Variants in SLC5A11 observed in about 807,000 individuals in gnomAD.
The protein encoded by SLC5A11 is sodium/myo-inositol cotransporter 2.
Under a neutral mutation model 69.8 loss-of-function variants are expected in SLC5A11, and 48 were observed. The ratio of observed to expected loss-of-function variants is 0.69; its 90% CI spans 0.55 to 0.87. SLC5A11 has a LOEUF of 0.87. Among genes scored for constraint, SLC5A11 ranks in the 40% least tolerant of loss-of-function variants. The pLI is 0.00. For missense variants in SLC5A11, 784 were observed against 866.1 expected (o/e 0.91, Z 1.19); for synonymous variants, 319 against 342.4 (o/e 0.93, Z 0.75).
At position 24,889,164 on chromosome 16, in the gene SLC5A11, A is replaced by G. The variant is rs1251375558; in HGVS notation, c.665-1705A>G. On this transcript the variant is annotated intron_variant, in intron 8 of 15. Transcript: ENST00000347898. Reference sequence around the variant, plus strand: ...AATCAAACCAAGAAAAAAAGAGAAAACAGCATAATTAAGAATGAGAAAAGA... The same window carrying G: ...AATCAAACCAAGAAAAAAAGAGAAAGCAGCATAATTAAGAATGAGAAAAGA... 2.6e-5 allele frequency among the ~76,000 whole-genome samples: 4 copies of G among 152,128 alleles called. No individual in the cohort carries two copies. The East Asian group carries it at 5.8e-4, about 22-fold the overall frequency.
intron 5 of SLC5A11, among the ~76,000 whole-genome samples, chr16:24,874,195 T>C (rs1597103781): frequency 6.6e-6 from 1 of 152,320 alleles, no homozygotes; most frequent in East Asian, 1.9e-4. Context: ...TATCGTGTAG[T>C]GTGACTCACA....
rs139417971 is a variant in SLC5A11, at chr16:24,856,074, G to A, written c.-24-2546G>A. Among the ~76,000 whole-genome samples the A allele has an allele frequency of 5.3e-5, 8 of 152,330 alleles. 1 individual carries two copies. In the East Asian group the frequency reaches 1.5e-3, roughly 29 times the overall value. Reference sequence around the variant, plus strand: ...ATCCTTTAACCCAGAGCACATGTGTGCACTGGAGGTGTTCCTGGCCTTCAG... The same window carrying A: ...ATCCTTTAACCCAGAGCACATGTGTACACTGGAGGTGTTCCTGGCCTTCAG... On this transcript the variant is annotated intron_variant, in intron 1 of 15. Coordinates refer to ENST00000347898, the Ensembl canonical transcript of SLC5A11.
intron 9 of SLC5A11, among the ~76,000 whole-genome samples, chr16:24,895,012 C>G (rs144936336): frequency 0.01 from 1,553 of 152,046 alleles, 32 homozygotes; most frequent in African/African-American, 0.036. Flanking sequence ...GTGGTCCCAG[C>G]TACTTGGGAT....
intron 1 of SLC5A11, among the ~76,000 whole-genome samples, chr16:24,855,910 T>G (rs1024400918): frequency 3.9e-5 from 6 of 152,218 alleles, no homozygotes; most frequent in Non-Finnish European, 8.8e-5. Context: ...ACAGTAGGAA[T>G]GGACTAACCC....
chr16:24,902,987 A>C (rs957536878), intron 10 of SLC5A11, among the ~76,000 whole-genome samples: 2 of 152,168 alleles, frequency 1.3e-5, no homozygotes, highest in Non-Finnish European at 2.9e-5. Context: ...GTGCAAAATA[A>C]ATTTTAGAGA....
At position 24,901,550 on chromosome 16, in the gene SLC5A11, G is replaced by A. The variant is rs370224430; in HGVS notation, c.1006+3441G>A. Among the ~76,000 whole-genome samples, 11 of 152,234 alleles carry A rather than the reference G, an allele frequency of 7.2e-5. No individual in the cohort carries two copies. In the East Asian group the frequency reaches 1.2e-3, roughly 16 times the overall value. ...GGATCGCTTGAGCCTGGGAGGTTGA[G>A]GCTGCAGTGAGCCATGATCAGTGCA... On this transcript the variant is annotated intron_variant, in intron 10 of 15. Transcript: ENST00000347898.
At chr16:24,910,470 C>T in exon 15 of SLC5A11, 1 of 1,613,978 alleles carries the variant, frequency 6.2e-7, no homozygotes, top group South Asian at 1.1e-5. Context: ...CGTCTAAAAC[C>T]CACAGCTGTG....
chr16:24,868,554 A>G (rs368841742), intron 3 of SLC5A11, among the ~76,000 whole-genome samples: 40 of 149,654 alleles, frequency 2.7e-4, no homozygotes, highest in African/African-American at 9.1e-4. Context: ...AGCTGAGATC[A>G]CACCACTGCA....
At chr16:24,869,059 G>A (rs1308845084) in intron 3 of SLC5A11, among the ~76,000 whole-genome samples, 1 of 151,946 alleles carries the variant, frequency 6.6e-6, no homozygotes, top group Non-Finnish European at 1.5e-5. Flanking sequence ...GTGGAGACGG[G>A]GTTTCACCAT....
At chr16:24,884,513 GTTTTTTTT>G (rs10572531) in intron 8 of SLC5A11, among the ~76,000 whole-genome samples, 1 of 110,272 alleles carries the variant, frequency 9.1e-6, no homozygotes, top group Non-Finnish European at 1.9e-5. Context: ...TTTTTATTTT[GTTTTTTTT>G]TTTTTTTTTT....
intron 10 of SLC5A11, among the ~76,000 whole-genome samples, chr16:24,902,507 C>T (rs2049709412): frequency 6.6e-6 from 1 of 150,594 alleles, no homozygotes; most frequent in Non-Finnish European, 1.5e-5. Flanking sequence ...ATAACAAGAC[C>T]TTGACCATCT....
chr16:24,861,581 GAGAA>G (rs1017209175), intron 2 of SLC5A11, among the ~76,000 whole-genome samples: 5 of 139,508 alleles, frequency 3.6e-5, no homozygotes, highest in Non-Finnish European at 7.8e-5. Flanking sequence ...GAGAAAGAAA[GAGAA>G]AGAGAAAGGA....
intron 8 of SLC5A11, among the ~76,000 whole-genome samples, chr16:24,885,352 A>C (rs2048326886): frequency 6.6e-6 from 1 of 151,700 alleles, no homozygotes; most frequent in Admixed American, 6.6e-5. Context: ...TAAGCCTTAA[A>C]GACTACAACA....
intron 9 of SLC5A11, among the ~76,000 whole-genome samples, chr16:24,897,350 T>C (rs1479307500): frequency 2.0e-5 from 3 of 151,682 alleles, no homozygotes; most frequent in Non-Finnish European, 4.4e-5. Flanking sequence ...GCCAGAGAGG[T>C]GAAATAATTC....
At chr16:24,848,035 AG>A (rs1249191889) in intron 1 of SLC5A11, among the ~76,000 whole-genome samples, 2 of 152,154 alleles carry the variant, frequency 1.3e-5, no homozygotes, top group East Asian at 1.9e-4. Flanking sequence ...TGAGGCCAAG[AG>A]GGGGCTCCTT....
chr16:24,854,430 G>GT (rs11289560), intron 1 of SLC5A11, among the ~76,000 whole-genome samples: 180 of 147,672 alleles, frequency 1.2e-3, no homozygotes, highest in Middle Eastern at 3.5e-3. Context: ...GTAAAGTAAA[G>GT]TTTTTTTTTT....
chr16:24,849,785 G>A (rs1016696069), intron 1 of SLC5A11, among the ~76,000 whole-genome samples: 4 of 151,114 alleles, frequency 2.6e-5, no homozygotes, highest in African/African-American at 9.7e-5. Flanking sequence ...CATATGCCCT[G>A]TTACCCTGCT....
chr16:24,902,324 AG>A (rs1567686096), intron 10 of SLC5A11, among the ~76,000 whole-genome samples: 3 of 152,006 alleles, frequency 2.0e-5, no homozygotes, highest in African/African-American at 7.2e-5. Context: ...GTAAAGGTTA[AG>A]GGGGAAAAAA....
At chr16:24,849,593 A>AAAAAAAAAAAAAATATATATATATAT in intron 1 of SLC5A11, among the ~76,000 whole-genome samples, 5 of 35,906 alleles carry the variant, frequency 1.4e-4, no homozygotes, top group Admixed American at 1.1e-3. Context: ...AAAAAAAAAA[A>AAAAAAAAAAAAAATATATATATATAT]ATATATATAT....
Sources: allele counts gnomAD v4.1 joint callset (sites outside exome capture counted in the v4.1 genomes callset), GRCh38; gene constraint gnomAD v4.1.1; transcripts MANE v1.5; gene names NCBI Gene and HGNC (gene_info 2026-07-23, HGNC 2026-07-21).